Variants in SGCD observed in about 807,000 individuals in gnomAD.
The protein encoded by SGCD is delta-sarcoglycan.
SGCD carries 18 observed loss-of-function variants against 36.6 expected under a neutral mutation model. The ratio of observed to expected loss-of-function variants is 0.49; its 90% CI spans 0.34 to 0.73. SGCD has a LOEUF of 0.73. Ranked by LOEUF, SGCD falls within the 30% of genes least tolerant of loss-of-function variation. The pLI is 0.01. For synonymous variants in SGCD, 133 were observed against 130.6 expected, an observed-to-expected ratio of 1.02 and a Z score of -0.12; for missense variants, 387 against 346.7, an observed-to-expected ratio of 1.12 and a Z score of -0.92.
intron 3 of SGCD, among the ~76,000 whole-genome samples, chr5:156,312,302 C>T (rs1767410064): frequency 1.3e-5 from 2 of 152,158 alleles, no homozygotes; most frequent in Admixed American, 1.3e-4. Context: ...CAGCTTTTTC[C>T]CTTCTACCAT....
chr5:155,857,949 C>A, the SGCD span, among the ~76,000 whole-genome samples: 1 of 152,078 alleles, frequency 6.6e-6, no homozygotes, highest in South Asian at 2.1e-4. Context: ...TTTGTGCTGT[C>A]TGTTCTTTGT....
At chr5:155,933,193 A>G (rs976176720) in intron 1 of SGCD, among the ~76,000 whole-genome samples, 2 of 152,150 alleles carry the variant, frequency 1.3e-5, no homozygotes, top group Non-Finnish European at 2.9e-5. Flanking sequence ...CTTGGTTTTC[A>G]AAAACGTCTA....
chr5:155,979,214 C>T (rs929685949), intron 1 of SGCD, among the ~76,000 whole-genome samples: 1 of 152,206 alleles, frequency 6.6e-6, no homozygotes, highest in Non-Finnish European at 1.5e-5. Context: ...AAGGATCAAA[C>T]TCCTTGGAAT....
intron 1 of SGCD, among the ~76,000 whole-genome samples, chr5:156,107,411 C>T (rs898612526): frequency 3.0e-4 from 45 of 152,224 alleles, no homozygotes; most frequent in African/African-American, 1.0e-3. Flanking sequence ...AGGTTAAAGT[C>T]TCTGTATAGT....
At chr5:156,342,630 T>G (rs545768587) in intron 2 of SGCD, among the ~76,000 whole-genome samples, 20 of 152,240 alleles carry the variant, frequency 1.3e-4, no homozygotes, top group Admixed American at 1.3e-3. Flanking sequence ...CGTCTTCTTA[T>G]AACACATCCC....
At chr5:156,604,533 C>T (rs192820710) in intron 6 of SGCD, among the ~76,000 whole-genome samples, 19 of 151,728 alleles carry the variant, frequency 1.3e-4, no homozygotes, top group African/African-American at 4.1e-4. Flanking sequence ...GTGGGGCTAA[C>T]GTGAAGTCTT....
intron 2 of SGCD, among the ~76,000 whole-genome samples, chr5:156,336,688 G>A (rs1017380048): frequency 6.6e-6 from 1 of 152,184 alleles, no homozygotes; most frequent in African/African-American, 2.4e-5. Context: ...GCCTGAATAT[G>A]TATTAAACAT....
intron 1 of SGCD, among the ~76,000 whole-genome samples, chr5:155,894,113 T>C (rs893799862): frequency 5.3e-5 from 8 of 152,180 alleles, no homozygotes; most frequent in Non-Finnish European, 8.8e-5. Flanking sequence ...ACCTAGGACA[T>C]ACTGTACACT....
At chr5:155,884,275 A>G (rs974416054) in intron 1 of SGCD, among the ~76,000 whole-genome samples, 1 of 152,130 alleles carries the variant, frequency 6.6e-6, no homozygotes, top group Non-Finnish European at 1.5e-5. Flanking sequence ...TGTCTGGAAG[A>G]GTCAACAGTG....
At chr5:155,863,020 T>G in the SGCD span, among the ~76,000 whole-genome samples, 1 of 152,226 alleles carries the variant, frequency 6.6e-6, no homozygotes, top group African/African-American at 2.4e-5. Flanking sequence ...CAGTGCATTC[T>G]ATCTCTGTTT....
At chr5:155,809,566 GACAA>G in the SGCD span, among the ~76,000 whole-genome samples, 7 of 152,098 alleles carry the variant, frequency 4.6e-5, no homozygotes, top group Non-Finnish European at 1.0e-4. Context: ...GTTCTAGATT[GACAA>G]ACAGAGAGAA....
chr5:155,939,560 G>A (rs1757281965), intron 1 of SGCD, among the ~76,000 whole-genome samples: 1 of 150,812 alleles, frequency 6.6e-6, no homozygotes, highest in South Asian at 2.1e-4. Flanking sequence ...CAGGAGAATT[G>A]CTTGAACCTG....
the SGCD span, among the ~76,000 whole-genome samples, chr5:155,836,600 A>C: frequency 6.6e-6 from 1 of 152,116 alleles, no homozygotes; most frequent in East Asian, 1.9e-4. Context: ...CTCTGCTCTC[A>C]AGCCCTGTAC....
chr5:156,146,170 G>A (rs112111494), intron 3 of SGCD, among the ~76,000 whole-genome samples: 2,483 of 152,180 alleles, frequency 0.016, 73 homozygotes, highest in African/African-American at 0.056. Context: ...CTGAGATAGC[G>A]CCATTGCACT....
At chr5:156,711,106 G>C (rs157348) in intron 7 of SGCD, among the ~76,000 whole-genome samples, 139,754 of 152,178 alleles carry the variant, frequency 0.92, 64,345 homozygotes, top group East Asian at 0.99. Context: ...GAATTACCAA[G>C]GGAGAAGCAT....
chr5:155,865,463 A>G (rs4623131), upstream of SGCD, among the ~76,000 whole-genome samples: 720 of 152,298 alleles, frequency 4.7e-3, 9 homozygotes, highest in African/African-American at 0.016. Flanking sequence ...GGGCATTTTA[A>G]TATCCTTTGC....
At chr5:156,322,332 T>C (rs1036313250), upstream of SGCD, among the ~76,000 whole-genome samples, 1 of 152,206 alleles carries the variant, frequency 6.6e-6, no homozygotes. Context: ...GTTCCTGTAC[T>C]TGGATTTTTT....
intron 3 of SGCD, among the ~76,000 whole-genome samples, chr5:156,405,193 C>T (rs755333058): frequency 7.2e-5 from 11 of 152,150 alleles, no homozygotes; most frequent in East Asian, 3.9e-4. Context: ...AAAGAGCCTC[C>T]GACCTGGGGC....
chr5:155,952,415 G>A (rs965102639), intron 1 of SGCD, among the ~76,000 whole-genome samples: 1 of 151,984 alleles, frequency 6.6e-6, no homozygotes, highest in African/African-American at 2.4e-5. Context: ...TTTAGGTGTG[G>A]TGTTCCTATT....
Sources: gnomAD v4.1 joint callset for allele counts (sites outside exome capture counted in the v4.1 genomes callset) on GRCh38, gnomAD v4.1.1 for gene constraint, MANE v1.5 for transcripts, NCBI Gene and HGNC (gene_info 2026-07-23, HGNC 2026-07-21) for gene names.